Variants in GALNT2 observed in about 807,000 individuals in gnomAD.
GALNT2 encodes polypeptide N-acetylgalactosaminyltransferase 2, also known as UDP-GalNAc:polypeptide N-acetylgalactosaminyltransferase 2.
Under a neutral mutation model 81.4 loss-of-function variants are expected in GALNT2, and 31 were observed. That is an observed-to-expected ratio of 0.38 (90% CI 0.29 to 0.51). The LOEUF (loss-of-function observed/expected upper bound fraction) is 0.51. Ranked by LOEUF, GALNT2 falls within the 20% of genes least tolerant of loss-of-function variation. The probability of loss-of-function intolerance (pLI) is 0.87; values close to 1 mark genes in which losing one functional copy is unlikely to be tolerated. For synonymous variants in GALNT2, 303 were observed against 287.4 expected (o/e 1.05, Z -0.55); for missense variants, 629 against 765.7 (o/e 0.82, Z 2.11).
At chr1:230,058,032 TGGAATGTGGACAGG>T (rs1370620003) in exon 1 of GALNT2, 1 of 456,138 alleles carries the variant, frequency 2.2e-6, no homozygotes, top group African/African-American at 2.0e-5. Context: ...ATCATCTATG[TGGAATGTGGACAGG>T]GCAAGGTGCC....
At chr1:230,143,454 G>A (rs769145883) in intron 1 of GALNT2, among the ~76,000 whole-genome samples, 1 of 152,168 alleles carries the variant, frequency 6.6e-6, no homozygotes. Context: ...ACACAGCACC[G>A]CTGCCCATCC....
chr1:230,275,856 A>G lies in GALNT2; in HGVS notation c.1560+1292A>G, dbSNP rs1666288852. Among the ~76,000 whole-genome samples the G allele has an allele frequency of 6.6e-6, 1 of 151,556 alleles. No individual in the cohort carries two copies. Among genetic ancestry groups the G allele is most frequent in the South Asian group, 2.1e-4 (1 of 4,826 alleles). ...ATACATGTATATACATGCCACATAG[A>G]TATACATATATAAATGCCACAGATA... On this transcript the variant is annotated intron_variant, in intron 15 of 15. Transcript: ENST00000366672. This position sits in a 1 kb window ranked among gnomAD's most constrained non-coding sequence, Gnocchi z 5.5.
At chr1:230,133,094 T>C (rs2102815202) in intron 1 of GALNT2, among the ~76,000 whole-genome samples, 1 of 152,356 alleles carries the variant, frequency 6.6e-6, no homozygotes, top group African/African-American at 2.4e-5. Context: ...TTTAACACTA[T>C]ATTGTATTTT....
chr1:230,105,404 C>G (rs1571967280), intron 1 of GALNT2, among the ~76,000 whole-genome samples: 1 of 151,530 alleles, frequency 6.6e-6, no homozygotes, highest in South Asian at 2.1e-4. Flanking sequence ...GCACATTTCC[C>G]CCGCCTCTCA....
intron 1 of GALNT2, among the ~76,000 whole-genome samples, chr1:230,087,095 G>T (rs1303942566): frequency 6.6e-6 from 1 of 152,160 alleles, no homozygotes; most frequent in Non-Finnish European, 1.5e-5. Flanking sequence ...CAGGGAGGGA[G>T]GTATTTCACC....
At chr1:230,173,518 G>A (rs60122995) in intron 1 of GALNT2, among the ~76,000 whole-genome samples, 15,421 of 152,174 alleles carry the variant, frequency 0.1, 907 homozygotes, top group South Asian at 0.19. Context: ...CTGCATCCTG[G>A]GAAATCAAAG....
At chr1:230,230,224 T>C (rs1390957025) in intron 3 of GALNT2, among the ~76,000 whole-genome samples, 1 of 152,186 alleles carries the variant, frequency 6.6e-6, no homozygotes, top group African/African-American at 2.4e-5. Flanking sequence ...AGAAACTTTT[T>C]TTTTTTCTTA....
rs966377524 is a variant in GALNT2, at chr1:230,264,691, G to A, written c.1314-550G>A. ...CCCATAGCCTACCAAAGGGCAAATC[G>A]AGCTTCAGAGAAAGTGAGTCTTGCC... On this transcript the variant is annotated intron_variant, in intron 13 of 15. Transcript: ENST00000366672. 1.1e-4 allele frequency: 16 copies of A among 148,998 alleles called. 1 individual carries two copies. The highest frequency in any genetic ancestry group is 2.1e-4 in the Non-Finnish European group (14 of 67,616). 9.2% of individuals were successfully genotyped at this position (148,998 alleles called of 1,614,324 possible).
At chr1:230,246,282 C>T (rs143466191) in intron 8 of GALNT2, 132 bp downstream of exon 8, 261 of 706,506 alleles carry the variant, frequency 3.7e-4, no homozygotes, top group Admixed American at 5.5e-4. Flanking sequence ...GAGTAAAAAC[C>T]ACCTGTGTGC....
chr1:230,249,387 G>T (rs536520214), intron 9 of GALNT2, 116 bp downstream of exon 9: 2 of 779,960 alleles, frequency 2.6e-6, no homozygotes, highest in African/African-American at 1.7e-5. Flanking sequence ...TCTGCCCTCC[G>T]GTTTCCCCTC....
chr1:230,067,290 C>T lies in GALNT2; in HGVS notation c.10C>T (p.Arg4Cys), dbSNP rs1342052422. 3.7e-6 allele frequency: 5 copies of T among 1,357,654 alleles called. No homozygotes were observed. Among genetic ancestry groups the T allele is most frequent in the Admixed American group, 2.8e-5 (1 of 35,748 alleles). 84.1% of individuals were successfully genotyped at this position (1,357,654 alleles called of 1,614,324 possible). A position where few individuals can be genotyped will look rare whatever the true frequency, so the allele number is the denominator to read the frequency against. The change falls in exon 1 of 16, where the codon CGC (arginine) becomes TGC (cysteine). Residue 4 changes from arginine to cysteine, a missense_variant. Physicochemically the swap from Arg to Cys is radical, Grantham distance 180. Transcript: ENST00000366672. ...CGGCCGAGTTGGGAGAATGCGGCGG[C>T]GCTCGCGGATGCTGCTCTGCTTCGC... MRR[R>C]SRMLLCFAFL...
intron 1 of GALNT2, among the ~76,000 whole-genome samples, chr1:230,153,577 A>C (rs978638188): frequency 1.3e-5 from 2 of 152,260 alleles, no homozygotes; most frequent in African/African-American, 4.8e-5. Context: ...GAATTAATTC[A>C]TCGAGAACAT....
intron 6 of GALNT2, among the ~76,000 whole-genome samples, chr1:230,237,655 A>G (rs1340533050): frequency 6.6e-6 from 1 of 152,154 alleles, no homozygotes; most frequent in Non-Finnish European, 1.5e-5. Context: ...CTAGACATTC[A>G]AGATACATAA....
At chr1:230,059,493 A>G (rs1309326036) in intron 1 of GALNT2, among the ~76,000 whole-genome samples, 1 of 152,256 alleles carries the variant, frequency 6.6e-6, no homozygotes, top group Non-Finnish European at 1.5e-5. Flanking sequence ...TTAGGAAAGT[A>G]AATGAAGGTA....
intron 2 of GALNT2, among the ~76,000 whole-genome samples, chr1:230,189,717 G>A (rs578102235): frequency 2.1e-4 from 32 of 152,266 alleles, no homozygotes; most frequent in African/African-American, 7.2e-4. Flanking sequence ...GGCATTAAGC[G>A]CATTCACAGT....
intron 3 of GALNT2, among the ~76,000 whole-genome samples, chr1:230,208,175 C>T (rs1337293928): frequency 4.0e-5 from 6 of 151,632 alleles, no homozygotes; most frequent in African/African-American, 9.7e-5. Flanking sequence ...TTTGTTTTTT[C>T]TCTCTCTCTC....
At chr1:230,110,693 C>T (rs1040525300) in intron 1 of GALNT2, among the ~76,000 whole-genome samples, 1 of 148,308 alleles carries the variant, frequency 6.7e-6, no homozygotes, top group African/African-American at 2.5e-5. Flanking sequence ...CCTTGAGGGT[C>T]TCTCTCAGCT....
intron 1 of GALNT2, among the ~76,000 whole-genome samples, chr1:230,152,333 T>A (rs1662116713): frequency 1.3e-5 from 2 of 152,188 alleles, no homozygotes; most frequent in Non-Finnish European, 2.9e-5. Flanking sequence ...ATCCGACACT[T>A]GGCTAGAATC....
At chr1:230,099,969 G>A (rs559236823) in intron 1 of GALNT2, among the ~76,000 whole-genome samples, 10 of 152,298 alleles carry the variant, frequency 6.6e-5, no homozygotes, top group Non-Finnish European at 1.2e-4. Flanking sequence ...AATAGTTAAT[G>A]ACATTTTTTA....
Sources: gnomAD v4.1 joint callset for allele counts (sites outside exome capture counted in the v4.1 genomes callset) on GRCh38, gnomAD v4.1.1 for gene constraint, Gnocchi (gnomAD v3.1) non-coding constraint, MANE v1.5 for transcripts, NCBI Gene and HGNC (gene_info 2026-07-23, HGNC 2026-07-21) for gene names.